Variants in SEC24B observed in about 807,000 individuals in gnomAD.
SEC24B encodes protein transport protein Sec24B.
In SEC24B, 45 loss-of-function variants were observed where a neutral mutation model predicts 142.8. The ratio of observed to expected loss-of-function variants is 0.32; its 90% CI spans 0.25 to 0.40. The LOEUF (loss-of-function observed/expected upper bound fraction) is 0.40. Ranked by LOEUF, SEC24B falls within the 10% of genes least tolerant of loss-of-function variation. The probability of loss-of-function intolerance (pLI) is 1.00; values close to 1 mark genes in which losing one functional copy is unlikely to be tolerated. For synonymous variants in SEC24B, 574 were observed against 568.2 expected (o/e 1.01, Z -0.15); for missense variants, 1,409 against 1,526.8 (o/e 0.92, Z 1.29).
chr4:109,456,362 C>T (rs1730692854), intron 1 of SEC24B, among the ~76,000 whole-genome samples: 1 of 103,016 alleles, frequency 9.7e-6, no homozygotes. Context: ...TTACTCCTTT[C>T]CAGTCTATCT....
rs376433206 is a variant in SEC24B at position 109,510,330 on chromosome 4, T to C, written c.1776+219T>C. Among the ~76,000 whole-genome samples the C allele has an allele frequency of 3.5e-4, 53 of 152,332 alleles. No individual in the cohort carries two copies. In the East Asian group the frequency reaches 8.1e-3, roughly 23 times the overall value. On this transcript the variant is annotated intron_variant, in intron 8 of 23. Coordinates refer to ENST00000265175, the MANE Select transcript of SEC24B (RefSeq NM_006323.5). Reference sequence around the variant, plus strand: ...ACAGAGATGATCAAGTCATTGAAGTTGCCTCCAAAAAGTTCTTATCTAACA... The same window carrying C: ...ACAGAGATGATCAAGTCATTGAAGTCGCCTCCAAAAAGTTCTTATCTAACA...
At chr4:109,450,205 C>T (rs1729914571) in intron 1 of SEC24B, among the ~76,000 whole-genome samples, 1 of 151,386 alleles carries the variant, frequency 6.6e-6, no homozygotes, top group African/African-American at 2.4e-5. Flanking sequence ...AGAGCAAGAC[C>T]CTGTCTCTTA....
intron 1 of SEC24B, among the ~76,000 whole-genome samples, chr4:109,435,332 AT>A (rs1265306393): frequency 6.6e-6 from 1 of 152,240 alleles, no homozygotes; most frequent in Non-Finnish European, 1.5e-5. Flanking sequence ...AAATGTAAAA[AT>A]ACTATTTGTG....
At position 109,525,356 on chromosome 4, in the gene SEC24B, C is replaced by G; in HGVS notation, c.2643C>G (p.Ser881=). The G allele has an allele frequency of 6.3e-7, 1 of 1,591,970 alleles. No individual in the cohort carries two copies. Among genetic ancestry groups the G allele is most frequent in the Non-Finnish European group, 8.5e-7 (1 of 1,171,532 alleles). The part of the protein sequence containing the change: ...YSDLASLACM[S]KYSAGCIYYY... ...TATTTCTCTCTAAAGCTTGCATGTC[C>G]AAGTATTCTGCAGGGTGCATCTATT... is the stretch of plus-strand genomic sequence containing the variant. The change falls in exon 16 of 24, where the codon TCC becomes TCG. Residue 881 remains serine (S), a synonymous_variant. Coordinates refer to ENST00000265175, the MANE Select transcript of SEC24B (RefSeq NM_006323.5).
At chr4:109,468,735 A>G (rs1460220250) in intron 2 of SEC24B, among the ~76,000 whole-genome samples, 3 of 152,224 alleles carry the variant, frequency 2.0e-5, no homozygotes, top group Non-Finnish European at 4.4e-5. Context: ...AGATGACTTC[A>G]AGGATTTGTT....
At chr4:109,494,923 G>T in intron 6 of SEC24B, 67 bp downstream of exon 6, 1 of 1,575,126 alleles carries the variant, frequency 6.3e-7, no homozygotes, top group South Asian at 1.1e-5. Context: ...GTTACTGGTG[G>T]GATTTGTACC....
At chr4:109,444,247 A>G (rs559824331) in intron 1 of SEC24B, among the ~76,000 whole-genome samples, 14 of 151,926 alleles carry the variant, frequency 9.2e-5, no homozygotes, top group Non-Finnish European at 1.3e-4. Flanking sequence ...AGTTTTTACA[A>G]TTATGTTGGG....
At chr4:109,465,074 A>G (rs1173841670) in intron 2 of SEC24B, among the ~76,000 whole-genome samples, 1 of 152,252 alleles carries the variant, frequency 6.6e-6, no homozygotes, top group African/African-American at 2.4e-5. Context: ...AGTGGCATTG[A>G]CAGACTTCAT....
chr4:109,529,814 G>C (rs931797141), intron 18 of SEC24B, among the ~76,000 whole-genome samples: 1 of 152,142 alleles, frequency 6.6e-6, no homozygotes, highest in Non-Finnish European at 1.5e-5. Context: ...GGTTACTGCA[G>C]CTTCGACCTC....
At chr4:109,465,847 G>A (rs1379452318) in intron 2 of SEC24B, among the ~76,000 whole-genome samples, 2 of 152,048 alleles carry the variant, frequency 1.3e-5, no homozygotes, top group Non-Finnish European at 2.9e-5. Flanking sequence ...GGGTCCTGTA[G>A]GCAGAGAGGC....
chr4:109,451,619 C>T (rs954679404), intron 1 of SEC24B, among the ~76,000 whole-genome samples: 1 of 152,110 alleles, frequency 6.6e-6, no homozygotes, highest in Non-Finnish European at 1.5e-5. Context: ...TTGTACTTGC[C>T]TTATCCCAGT....
At chr4:109,523,636 T>A (rs1385654165) in intron 14 of SEC24B, among the ~76,000 whole-genome samples, 1 of 152,186 alleles carries the variant, frequency 6.6e-6, no homozygotes, top group African/African-American at 2.4e-5. Flanking sequence ...TGTCTGGCCT[T>A]AACATATTTG....
At chr4:109,482,938 A>ATG in intron 4 of SEC24B, among the ~76,000 whole-genome samples, 3 of 14,088 alleles carry the variant, frequency 2.1e-4, no homozygotes, top group African/African-American at 6.7e-4. Context: ...GGCTTGTACT[A>ATG]TATATATATA....
chr4:109,467,922 A>G (rs151249626), intron 2 of SEC24B, among the ~76,000 whole-genome samples: 25 of 152,340 alleles, frequency 1.6e-4, no homozygotes, highest in African/African-American at 5.0e-4. Context: ...AATTCTTCAC[A>G]GTTGATCTTA....
intron 12 of SEC24B, 81 bp from the exon 13 acceptor site, chr4:109,521,036 T>C (rs1335856264): frequency 2.3e-6 from 2 of 854,564 alleles, no homozygotes; most frequent in Non-Finnish European, 3.9e-6. Context: ...ACACATTACA[T>C]GTATGACCTG....
At chr4:109,459,749 A>G (rs1481096445) in intron 1 of SEC24B, among the ~76,000 whole-genome samples, 1 of 152,174 alleles carries the variant, frequency 6.6e-6, no homozygotes, top group Non-Finnish European at 1.5e-5. Context: ...TTGGGACATA[A>G]TGATTATTTC....
At chr4:109,477,634 C>G (rs1171577052) in intron 3 of SEC24B, among the ~76,000 whole-genome samples, 1 of 152,034 alleles carries the variant, frequency 6.6e-6, no homozygotes, top group Non-Finnish European at 1.5e-5. Context: ...CTACCATACC[C>G]TGTAAGTGTG....
rs1401125055 is a variant in SEC24B, at chr4:109,526,308, T to C, written c.2874T>C (p.Ala958=). Residue 958 remains alanine, a synonymous_variant, in exon 17 of 24, where the codon GCT becomes GCC. Coordinates refer to ENST00000265175, the MANE Select transcript of SEC24B (RefSeq NM_006323.5). ...LLSLANINPD[A]GFAVQLSIEE... ...CCCTTGCCAACATCAATCCTGATGC[T>C]GGATTTGCGGTGCAGTTGTCAATTG... 1 of 1,614,016 alleles carries C rather than the reference T, an allele frequency of 6.2e-7. No homozygotes were observed. The highest frequency in any genetic ancestry group is 1.7e-5 in the Admixed American group (1 of 60,026).
intron 2 of SEC24B, among the ~76,000 whole-genome samples, chr4:109,466,051 T>TA (rs2125939434): frequency 6.6e-6 from 1 of 151,902 alleles, no homozygotes; most frequent in South Asian, 2.1e-4. Context: ...GTGCTTCATT[T>TA]CAAAAAAAAA....
Sources: allele counts gnomAD v4.1 joint callset (sites outside exome capture counted in the v4.1 genomes callset), GRCh38; gene constraint gnomAD v4.1.1; transcripts MANE v1.5; gene names NCBI Gene and HGNC (gene_info 2026-07-23, HGNC 2026-07-21).